Variants in UNC13C observed in about 807,000 individuals in gnomAD.
UNC13C encodes protein unc-13 homolog C.
Under a neutral mutation model 245.4 loss-of-function variants are expected in UNC13C, and 174 were observed. That is an observed-to-expected ratio of 0.71 (90% CI 0.63 to 0.80). UNC13C has a LOEUF of 0.80. Ranked by LOEUF, UNC13C falls within the 30% of genes least tolerant of loss-of-function variation. The probability of loss-of-function intolerance (pLI) is 0.00; values close to 1 mark genes in which losing one functional copy is unlikely to be tolerated. For synonymous variants in UNC13C, 992 were observed against 895.1 expected (o/e 1.11, Z -1.93); for missense variants, 2,829 against 2,602.9 (o/e 1.09, Z -1.89).
the UNC13C span, among the ~76,000 whole-genome samples, chr15:53,921,846 A>G: frequency 2.6e-5 from 4 of 152,206 alleles, no homozygotes; most frequent in Non-Finnish European, 4.4e-5. Context: ...TTAGAACCGG[A>G]ATGGACTTTA....
chr15:54,131,734 G>A (rs1055558984), intron 2 of UNC13C, among the ~76,000 whole-genome samples: 9 of 152,126 alleles, frequency 5.9e-5, no homozygotes, highest in Non-Finnish European at 1.3e-4. Context: ...AGGAATAAGG[G>A]CTGACTCCTA....
At chr15:54,295,094 T>G (rs543459271) in intron 11 of UNC13C, among the ~76,000 whole-genome samples, 1 of 152,168 alleles carries the variant, frequency 6.6e-6, no homozygotes, top group South Asian at 2.1e-4. Flanking sequence ...TGTATTGGAG[T>G]AGAATTTTTA....
chr15:54,393,542 G>A (rs756136375), intron 18 of UNC13C, among the ~76,000 whole-genome samples: 3 of 151,814 alleles, frequency 2.0e-5, no homozygotes, highest in Non-Finnish European at 4.4e-5. Context: ...TAAACATATT[G>A]CATTGTGGCT....
intron 2 of UNC13C, among the ~76,000 whole-genome samples, chr15:54,140,574 G>A (rs1441139562): frequency 2.0e-5 from 3 of 152,200 alleles, no homozygotes; most frequent in Non-Finnish European, 2.9e-5. Context: ...CAGAAAGAGA[G>A]GTTGTGCTTC....
intron 24 of UNC13C, among the ~76,000 whole-genome samples, chr15:54,515,505 A>G (rs1210407394): frequency 6.6e-6 from 1 of 152,230 alleles, no homozygotes; most frequent in Non-Finnish European, 1.5e-5. Context: ...AGGACTTATC[A>G]TTAATTTGTA....
intron 17 of UNC13C, among the ~76,000 whole-genome samples, chr15:54,361,169 C>A (rs1209711334): frequency 6.6e-6 from 1 of 151,648 alleles, no homozygotes; most frequent in African/African-American, 2.4e-5. Context: ...ATTCTTTTTT[C>A]TTTTATCTCC....
chr15:54,516,759 C>T (rs1212678209), intron 24 of UNC13C, among the ~76,000 whole-genome samples: 3 of 147,588 alleles, frequency 2.0e-5, no homozygotes, highest in Admixed American at 1.4e-4. Context: ...GAGATCGCAC[C>T]ACGGCACTCC....
intron 2 of UNC13C, among the ~76,000 whole-genome samples, chr15:54,110,383 C>T (rs979642557): frequency 6.6e-6 from 1 of 152,056 alleles, no homozygotes; most frequent in African/African-American, 2.4e-5. Flanking sequence ...TACCATATAG[C>T]AATACCAATA....
intron 4 of UNC13C, among the ~76,000 whole-genome samples, chr15:54,165,799 A>T (rs1265581192): frequency 6.6e-6 from 1 of 151,822 alleles, no homozygotes; most frequent in African/African-American, 2.4e-5. Flanking sequence ...TCATTTTATA[A>T]TTCTCTCTGC....
chr15:53,980,687 G>T (rs538597396), intron 1 of UNC13C, among the ~76,000 whole-genome samples: 13 of 152,238 alleles, frequency 8.5e-5, no homozygotes, highest in African/African-American at 2.9e-4. Flanking sequence ...TTTGTTGTTA[G>T]ACCTCCATTA....
At chr15:54,606,675 A>G (rs954954382) in intron 30 of UNC13C, among the ~76,000 whole-genome samples, 2 of 152,326 alleles carry the variant, frequency 1.3e-5, no homozygotes, top group East Asian at 1.9e-4. Context: ...CATTTTTCCA[A>G]TGAGGAACTA....
At chr15:53,954,797 C>T in the UNC13C span, among the ~76,000 whole-genome samples, 1,890 of 152,192 alleles carry the variant, frequency 0.012, 35 homozygotes, top group African/African-American at 0.043. Flanking sequence ...AAAGGAGAAG[C>T]TTTATATGAA....
intron 8 of UNC13C, among the ~76,000 whole-genome samples, chr15:54,250,764 T>TCTTTCTTTCTTTCTTTCTTTCTTTC (rs2036129626): frequency 2.2e-5 from 3 of 133,850 alleles, no homozygotes; most frequent in African/African-American, 8.5e-5. Flanking sequence ...TTTTTTTTTT[T>TCTTTCTTTCTTTCTTTCTTTCTTTC]TTTTTTTTTT....
At chr15:54,318,088 A>G (rs2038056040) in intron 13 of UNC13C, among the ~76,000 whole-genome samples, 1 of 151,920 alleles carries the variant, frequency 6.6e-6, no homozygotes, top group African/African-American at 2.4e-5. Flanking sequence ...ACTGAACAGT[A>G]TTCTCTGATG....
At chr15:54,175,638 G>A (rs953112264) in intron 4 of UNC13C, among the ~76,000 whole-genome samples, 27 of 150,638 alleles carry the variant, frequency 1.8e-4, no homozygotes, top group African/African-American at 5.9e-4. Context: ...TCAGCCTCCC[G>A]AGTAGCTGGG....
At chr15:54,311,803 G>T (rs957395523) in intron 13 of UNC13C, among the ~76,000 whole-genome samples, 1 of 151,682 alleles carries the variant, frequency 6.6e-6, no homozygotes, top group African/African-American at 2.4e-5. Context: ...CAAAATTCTT[G>T]TTCAATGATA....
chr15:54,607,770 T>C (rs963060675), intron 30 of UNC13C, among the ~76,000 whole-genome samples: 1 of 152,098 alleles, frequency 6.6e-6, no homozygotes, highest in Non-Finnish European at 1.5e-5. Context: ...TGCTACACAC[T>C]TTTAAACAAG....
the UNC13C span, among the ~76,000 whole-genome samples, chr15:53,905,433 A>ACACACACACAG: frequency 1.7e-5 from 2 of 115,776 alleles, no homozygotes; most frequent in South Asian, 3.1e-4. Flanking sequence ...CACACACACA[A>ACACACACACAG]TGGAATATTG....
At chr15:54,005,171 C>A (rs1895080483) in intron 1 of UNC13C, among the ~76,000 whole-genome samples, 1 of 151,864 alleles carries the variant, frequency 6.6e-6, no homozygotes, top group Admixed American at 6.6e-5. Flanking sequence ...ACCTAGGGGC[C>A]CAGTGGTGAG....
Sources: gnomAD v4.1 joint callset for allele counts (sites outside exome capture counted in the v4.1 genomes callset) on GRCh38, gnomAD v4.1.1 for gene constraint, MANE v1.5 for transcripts, NCBI Gene and HGNC (gene_info 2026-07-23, HGNC 2026-07-21) for gene names.